RHBDD1: variants seen among roughly 807,000 people sequenced by gnomAD.
RHBDD1 encodes the protein rhomboid domain containing 1.
Under a neutral mutation model 36.3 loss-of-function variants are expected in RHBDD1, and 38 were observed. The ratio of observed to expected loss-of-function variants is 1.05; its 90% confidence interval spans 0.81 to 1.37. The LOEUF (loss-of-function observed/expected upper bound fraction) is 1.37. RHBDD1 is among the 40% of genes most tolerant of loss of function. The pLI is 0.00. For synonymous variants in RHBDD1, 151 were observed against 136.5 expected, an observed-to-expected ratio of 1.11 and a Z score of -0.74; for missense variants, 393 against 377.6, an observed-to-expected ratio of 1.04 and a Z score of -0.34.
chr2:226,844,407 A>C (rs2125011650), intron 3 of RHBDD1, among the ~76,000 whole-genome samples: 1 of 152,298 alleles, frequency 6.6e-6, no homozygotes, highest in Admixed American at 6.5e-5. Flanking sequence ...TCACTTAATA[A>C]TTTGTGGACA....
chr2:226,857,153 ATG>A (rs1262741538), intron 3 of RHBDD1, among the ~76,000 whole-genome samples: 1 of 151,912 alleles, frequency 6.6e-6, no homozygotes, highest in African/African-American at 2.4e-5. Context: ...GCCTGTGAAC[ATG>A]TGTGTGTTTA....
intron 3 of RHBDD1, among the ~76,000 whole-genome samples, chr2:226,843,001 G>A (rs73083678): frequency 6.6e-5 from 10 of 152,014 alleles, no homozygotes; most frequent in East Asian, 5.8e-4. Context: ...CCTTGTTGGC[G>A]GTATTCCTAG....
chr2:226,927,218 T>C (rs914399681), intron 8 of RHBDD1, among the ~76,000 whole-genome samples: 5 of 152,180 alleles, frequency 3.3e-5, no homozygotes, highest in East Asian at 1.9e-4. Context: ...CTTTGAGAGG[T>C]CGTACTTCTT....
intron 5 of RHBDD1, among the ~76,000 whole-genome samples, chr2:226,883,550 T>C (rs1945957179): frequency 6.6e-6 from 1 of 152,198 alleles, no homozygotes; most frequent in African/African-American, 2.4e-5. Flanking sequence ...TTATCTGGAA[T>C]AAGGTTCACT....
chr2:226,969,605 G>T (rs1387710036), intron 8 of RHBDD1, among the ~76,000 whole-genome samples: 1 of 152,090 alleles, frequency 6.6e-6, no homozygotes, highest in African/African-American at 2.4e-5. Flanking sequence ...ACCAGAAAAC[G>T]TGAGTCCCGT....
the RHBDD1 span, among the ~76,000 whole-genome samples, chr2:226,812,327 G>A: frequency 6.6e-6 from 1 of 152,216 alleles, no homozygotes; most frequent in Admixed American, 6.5e-5. Context: ...CTTCTTCTGA[G>A]GGCAGCTGAA....
Position 226,996,332 on chromosome 2 carries a change from A to G in RHBDD1, c.*810A>G, listed in dbSNP as rs1190151357. The G allele has an allele frequency of 6.6e-6, 1 of 152,250 alleles. No homozygotes were observed. The highest frequency in any genetic ancestry group is 6.5e-5 in the Admixed American group (1 of 15,290). 9.4% of individuals were successfully genotyped at this position (152,250 alleles called of 1,614,324 possible). On this transcript the variant is annotated 3_prime_UTR_variant, in exon 9 of 9. Transcript: ENST00000392062. The stretch of plus-strand genomic sequence containing the variant: ...GAAGGCATTTGGTGGATCGGTCACT[A>G]GAGATCTATCTTGCAGAAAGTATGT...
chr2:226,900,097 T>C (rs1015099409), intron 5 of RHBDD1, among the ~76,000 whole-genome samples: 19 of 152,228 alleles, frequency 1.2e-4, no homozygotes, highest in African/African-American at 4.6e-4. Context: ...TCAAGGTATC[T>C]ATGAACATCC....
intron 5 of RHBDD1, 171 bp downstream of exon 5, chr2:226,867,489 C>A: frequency 1.2e-6 from 1 of 826,358 alleles, no homozygotes; most frequent in Non-Finnish European, 1.5e-6. Context: ...GGGTTTGAAT[C>A]TTTTCAACTA....
intron 8 of RHBDD1, among the ~76,000 whole-genome samples, chr2:226,980,709 ATGAAGT>A (rs1955530185): frequency 6.6e-6 from 1 of 152,164 alleles, no homozygotes; most frequent in South Asian, 2.1e-4. Flanking sequence ...GATACTTCCA[ATGAAGT>A]TCAGAGAGCA....
intron 5 of RHBDD1, among the ~76,000 whole-genome samples, chr2:226,895,215 G>A (rs1036184594): frequency 6.6e-6 from 1 of 152,192 alleles, no homozygotes; most frequent in Non-Finnish European, 1.5e-5. Flanking sequence ...ATGAGGGCAC[G>A]GTTACATGAG....
At chr2:226,865,726 C>G (rs1944269745) in intron 4 of RHBDD1, among the ~76,000 whole-genome samples, 1 of 152,186 alleles carries the variant, frequency 6.6e-6, no homozygotes, top group Non-Finnish European at 1.5e-5. Flanking sequence ...ACCTAGGAAT[C>G]ACATGAATCA....
the RHBDD1 span, among the ~76,000 whole-genome samples, chr2:226,816,795 C>A: frequency 5.9e-5 from 9 of 152,124 alleles, no homozygotes; most frequent in African/African-American, 1.9e-4. Flanking sequence ...ACTCGGGAGG[C>A]TGAGGCAGGA....
At chr2:226,963,207 T>G (rs1446279923) in intron 8 of RHBDD1, among the ~76,000 whole-genome samples, 1 of 152,160 alleles carries the variant, frequency 6.6e-6, no homozygotes, top group Non-Finnish European at 1.5e-5. Context: ...CCAGTAAAAC[T>G]TCTATATAGA....
intron 8 of RHBDD1, among the ~76,000 whole-genome samples, chr2:226,937,789 T>A (rs968062473): frequency 6.6e-6 from 1 of 152,216 alleles, no homozygotes; most frequent in African/African-American, 2.4e-5. Context: ...TTGTTGTGGC[T>A]GCATAGTATT....
intron 5 of RHBDD1, among the ~76,000 whole-genome samples, chr2:226,888,348 C>T (rs980958055): frequency 6.6e-6 from 1 of 151,228 alleles, no homozygotes; most frequent in South Asian, 2.1e-4. Flanking sequence ...TAGAATAGAT[C>T]AAAAATTCAG....
chr2:226,965,472 T>C (rs1007949653), intron 8 of RHBDD1, among the ~76,000 whole-genome samples: 5 of 152,208 alleles, frequency 3.3e-5, no homozygotes, highest in Non-Finnish European at 7.3e-5. Context: ...TAGGAGTCCA[T>C]TGCAGTAATC....
intron 8 of RHBDD1, among the ~76,000 whole-genome samples, chr2:226,945,017 AT>A: frequency 6.6e-6 from 1 of 151,894 alleles, no homozygotes; most frequent in East Asian, 1.9e-4. Flanking sequence ...TCATGGGGAG[AT>A]TTGTGGGGAG....
At chr2:226,990,175 C>A (rs1957865030) in intron 8 of RHBDD1, among the ~76,000 whole-genome samples, 1 of 152,150 alleles carries the variant, frequency 6.6e-6, no homozygotes, top group Non-Finnish European at 1.5e-5. Flanking sequence ...TCATGTCTTG[C>A]TAAATTGTTA....
Sources: allele counts gnomAD v4.1 joint callset (sites outside exome capture counted in the v4.1 genomes callset), GRCh38; gene constraint gnomAD v4.1.1; transcripts MANE v1.5; gene names NCBI Gene and HGNC (gene_info 2026-07-23, HGNC 2026-07-21).